OXR1: variants seen among roughly 807,000 people sequenced by gnomAD.
OXR1 encodes oxidation resistance protein 1.
In OXR1, 41 loss-of-function variants were observed where a neutral mutation model predicts 104.6. That is an observed-to-expected ratio of 0.39 (90% CI 0.31 to 0.51). OXR1 has a LOEUF of 0.51. OXR1 is among the 20% of genes least tolerant of loss of function. The pLI is 0.77. For missense variants in OXR1, 955 were observed against 1,031.9 expected (o/e 0.93, Z 1.02); for synonymous variants, 348 against 348.4 (o/e 1.00, Z 0.01).
chr8:106,570,264 G>T (rs1458635864), intron 3 of OXR1, among the ~76,000 whole-genome samples: 1 of 152,050 alleles, frequency 6.6e-6, no homozygotes, highest in Non-Finnish European at 1.5e-5. Context: ...AGAATACATA[G>T]TCCTGGAAGT....
chr8:106,358,032 G>GTATC lies in OXR1; in HGVS notation c.-138-1441_-138-1438dup, dbSNP rs529276697. Reference sequence around the variant, plus strand: ...TTGTCTTTAGAGTAAGAGTGGCCAAGTATCTAAACTCAGGCCAATAAAATG... The same window carrying GTATC: ...TTGTCTTTAGAGTAAGAGTGGCCAAGTATCTATCTAAACTCAGGCCAATAAAATG... On this transcript the variant is annotated intron_variant, in intron 1 of 16. Coordinates refer to ENST00000517566, the MANE Select transcript of OXR1 (RefSeq NM_001198533.2). Among the ~76,000 whole-genome samples the GTATC allele has an allele frequency of 3.7e-3, 557 of 152,276 alleles. 4 individuals carry two copies. The highest frequency in any genetic ancestry group is 6.7e-3 in the Admixed American group (102 of 15,292).
intron 11 of OXR1, among the ~76,000 whole-genome samples, chr8:106,734,060 G>C (rs886205421): frequency 2.7e-5 from 4 of 149,406 alleles, no homozygotes; most frequent in Admixed American, 1.3e-4. Flanking sequence ...GCTTGATCTT[G>C]GCTCACTGCA....
intron 3 of OXR1, among the ~76,000 whole-genome samples, chr8:106,646,133 T>C (rs757687839): frequency 6.6e-6 from 1 of 151,726 alleles, no homozygotes; most frequent in Non-Finnish European, 1.5e-5. Context: ...TGAGACAGAG[T>C]CTCACTCTGT....
chr8:106,368,183 A>G (rs1181014512), intron 2 of OXR1, among the ~76,000 whole-genome samples: 1 of 152,212 alleles, frequency 6.6e-6, no homozygotes, highest in Non-Finnish European at 1.5e-5. Context: ...GGATTTCTCT[A>G]TGTTCTTCAA....
chr8:106,544,932 T>C (rs1372748428), intron 3 of OXR1, among the ~76,000 whole-genome samples: 1 of 152,226 alleles, frequency 6.6e-6, no homozygotes, highest in Admixed American at 6.5e-5. Context: ...GAAACAATAT[T>C]GCCCATCTTT....
At chr8:106,736,573 G>A (rs753904542) in intron 11 of OXR1, among the ~76,000 whole-genome samples, 6 of 152,094 alleles carry the variant, frequency 3.9e-5, no homozygotes, top group Non-Finnish European at 7.4e-5. Flanking sequence ...CACCATTAGC[G>A]TTCACTGTAG....
chr8:106,446,891 A>C (rs1042482299), intron 2 of OXR1, among the ~76,000 whole-genome samples: 2 of 152,178 alleles, frequency 1.3e-5, no homozygotes, highest in African/African-American at 4.8e-5. Context: ...GTGCCACTGA[A>C]CTCCAATCTT....
chr8:106,302,180 T>C (rs1216211200), intron 1 of OXR1, among the ~76,000 whole-genome samples: 1 of 152,208 alleles, frequency 6.6e-6, no homozygotes, highest in Non-Finnish European at 1.5e-5. Context: ...TCTAGAATCA[T>C]TCTTCAGTCA....
chr8:106,414,581 G>A (rs1586620177), intron 2 of OXR1, among the ~76,000 whole-genome samples: 1 of 152,078 alleles, frequency 6.6e-6, no homozygotes, highest in African/African-American at 2.4e-5. Flanking sequence ...TGTATTTTTA[G>A]ATCTGGAAAG....
At chr8:106,331,650 T>G (rs890098870) in intron 1 of OXR1, among the ~76,000 whole-genome samples, 2 of 152,080 alleles carry the variant, frequency 1.3e-5, no homozygotes, top group Admixed American at 6.5e-5. Context: ...TTAAGATAAT[T>G]CTTTTGAGGC....
chr8:106,668,387 C>G (rs1826572441), intron 3 of OXR1, among the ~76,000 whole-genome samples: 1 of 152,100 alleles, frequency 6.6e-6, no homozygotes. Flanking sequence ...TTTTTAAGCT[C>G]CCAAGCATAA....
chr8:106,509,016 A>G (rs1047421139), intron 2 of OXR1, among the ~76,000 whole-genome samples: 2 of 152,222 alleles, frequency 1.3e-5, no homozygotes, highest in Admixed American at 1.3e-4. Flanking sequence ...GGTATCTTTA[A>G]TCAGCAATAT....
At chr8:106,659,693 C>T (rs547841565) in intron 3 of OXR1, among the ~76,000 whole-genome samples, 3 of 152,280 alleles carry the variant, frequency 2.0e-5, no homozygotes, top group Non-Finnish European at 2.9e-5. Flanking sequence ...ATAAATATGG[C>T]CAAACACGTG....
At chr8:106,533,936 C>G (rs1191757670) in intron 3 of OXR1, among the ~76,000 whole-genome samples, 2 of 152,056 alleles carry the variant, frequency 1.3e-5, no homozygotes, top group African/African-American at 4.8e-5. Flanking sequence ...TGGTCTTGAA[C>G]TCCCAACGTC....
At chr8:106,581,310 T>C in intron 3 of OXR1, 1 of 1,117,082 alleles carries the variant, frequency 9.0e-7, no homozygotes, top group Non-Finnish European at 1.2e-6. Flanking sequence ...GCCTAAAAAA[T>C]GTCAACCACT....
chr8:106,523,167 A>G (rs867028601), intron 3 of OXR1, among the ~76,000 whole-genome samples: 46 of 152,200 alleles, frequency 3.0e-4, no homozygotes, highest in African/African-American at 1.1e-3. Flanking sequence ...CTTCAAGTAA[A>G]GAACTTCACA....
chr8:106,749,780 C>T (rs1300437740), intron 16 of OXR1, among the ~76,000 whole-genome samples: 1 of 152,140 alleles, frequency 6.6e-6, no homozygotes, highest in Non-Finnish European at 1.5e-5. Flanking sequence ...TGCCCCCTCT[C>T]CTCTTCTATT....
At chr8:106,429,659 CAA>C (rs55954304) in intron 2 of OXR1, among the ~76,000 whole-genome samples, 9,486 of 93,948 alleles carry the variant, frequency 0.1, 981 homozygotes, top group African/African-American at 0.27. Flanking sequence ...GACTCTGTCT[CAA>C]AAAAAAAAAA....
At chr8:106,399,654 G>T (rs1287076891) in intron 2 of OXR1, among the ~76,000 whole-genome samples, 2 of 152,130 alleles carry the variant, frequency 1.3e-5, no homozygotes, top group East Asian at 1.9e-4. Flanking sequence ...ACAGGGATGG[G>T]ATTCTAGGAA....
Sources: gnomAD v4.1 joint callset for allele counts (sites outside exome capture counted in the v4.1 genomes callset) on GRCh38, gnomAD v4.1.1 for gene constraint, MANE v1.5 for transcripts, NCBI Gene and HGNC (gene_info 2026-07-23, HGNC 2026-07-21) for gene names.